The following ZNF385B variants were observed in gnomAD, a reference collection of about 807,000 sequenced individuals.
The protein encoded by ZNF385B is zinc finger protein 533.
In ZNF385B, 23 loss-of-function variants were observed where a neutral mutation model predicts 39.2. The observed-to-expected ratio is 0.59, with a 90% CI of 0.42 to 0.83. ZNF385B has a LOEUF of 0.83. Among genes scored for constraint, ZNF385B ranks in the 40% least tolerant of loss-of-function variants. The pLI is 0.00. For missense variants in ZNF385B, 552 were observed against 598.9 expected (o/e 0.92, Z 0.82); for synonymous variants, 205 against 222.6 (o/e 0.92, Z 0.70).
intron 3 of ZNF385B, among the ~76,000 whole-genome samples, chr2:179,672,212 A>C (rs746432799): frequency 7.2e-5 from 11 of 152,220 alleles, no homozygotes; most frequent in African/African-American, 2.6e-4. Flanking sequence ...TTTATCACTT[A>C]TTTCTTCTTT....
At chr2:179,467,135 G>A (rs746568131) in intron 6 of ZNF385B, among the ~76,000 whole-genome samples, 3 of 151,952 alleles carry the variant, frequency 2.0e-5, no homozygotes, top group Non-Finnish European at 4.4e-5. Flanking sequence ...CATATCCCCA[G>A]GTGCATAATT....
intron 5 of ZNF385B, among the ~76,000 whole-genome samples, chr2:179,501,136 T>G (rs2056721646): frequency 6.6e-6 from 1 of 152,184 alleles, no homozygotes; most frequent in Non-Finnish European, 1.5e-5. Context: ...TGTGCACTAT[T>G]GGTGGGAATG....
At chr2:179,526,354 T>C (rs2058897067) in intron 4 of ZNF385B, among the ~76,000 whole-genome samples, 2 of 152,020 alleles carry the variant, frequency 1.3e-5, no homozygotes, top group African/African-American at 2.4e-5. Context: ...CTTTGGGATG[T>C]TGAGGCAGGC....
chr2:179,787,480 TA>T (rs1242166327), intron 1 of ZNF385B, among the ~76,000 whole-genome samples: 1 of 152,102 alleles, frequency 6.6e-6, no homozygotes, highest in Non-Finnish European at 1.5e-5. Context: ...CTCTTAATAT[TA>T]AAACCAATAC....
chr2:179,544,693 C>T (rs2060119887), intron 4 of ZNF385B, 134 bp downstream of exon 4: 1 of 1,079,438 alleles, frequency 9.3e-7, no homozygotes, highest in Non-Finnish European at 1.4e-6. Context: ...TCTTTCATAG[C>T]ACAACTGAGC....
At position 179,697,958 on chromosome 2, in the gene ZNF385B, G is replaced by A. The variant is rs530923859; in HGVS notation, c.298+71545C>T. ...TTGCAAGGACAGAAAACCAAACACC[G>A]CATGTTCTCACTCATAGGTGGGAAT... On this transcript the variant is annotated intron_variant, in intron 3 of 9. Transcript: ENST00000410066. Among the ~76,000 whole-genome samples the A allele has an allele frequency of 2.0e-4, 31 of 152,178 alleles. No individual in the cohort carries two copies. The East Asian group carries it at 3.9e-3, about 19-fold the overall frequency.
chr2:179,625,430 A>G (rs2106173206), intron 3 of ZNF385B, among the ~76,000 whole-genome samples: 1 of 151,904 alleles, frequency 6.6e-6, no homozygotes, highest in Non-Finnish European at 1.5e-5. Context: ...ATTTTTATAT[A>G]TTATGGTTAT....
At chr2:179,687,645 G>A (rs1417222087) in intron 3 of ZNF385B, among the ~76,000 whole-genome samples, 1 of 152,168 alleles carries the variant, frequency 6.6e-6, no homozygotes, top group African/African-American at 2.4e-5. Context: ...TGGGAACATT[G>A]AGCAGTGATT....
rs11400555 is a variant in ZNF385B, at chr2:179,733,782, C to CAA, written c.298+35719_298+35720dup. 8.1e-3 allele frequency among the ~76,000 whole-genome samples: 838 copies of CAA among 103,076 alleles called. 27 individuals are homozygous for CAA. Among genetic ancestry groups the CAA allele is most frequent in the Middle Eastern group, 0.017 (3 of 180 alleles). 67.6% of individuals were successfully genotyped at this position (103,076 alleles called of 152,430 possible). Reference sequence around the variant, plus strand: ...TGAGTGACAGAGCGAGACTCCGTCTCAAAAAAAAAAAAAAAAAAAAGTACA... The same window carrying CAA: ...TGAGTGACAGAGCGAGACTCCGTCTCAAAAAAAAAAAAAAAAAAAAAAGTACA... On this transcript the variant is annotated intron_variant, in intron 3 of 9. Transcript: ENST00000410066.
At chr2:179,661,428 C>T (rs1410179784) in intron 3 of ZNF385B, among the ~76,000 whole-genome samples, 4 of 152,204 alleles carry the variant, frequency 2.6e-5, no homozygotes, top group Non-Finnish European at 5.9e-5. Flanking sequence ...TGCAGACAGC[C>T]TGTCATAGAC....
chr2:179,515,443 T>C (rs1314864116), intron 5 of ZNF385B, among the ~76,000 whole-genome samples: 3 of 152,214 alleles, frequency 2.0e-5, no homozygotes, highest in African/African-American at 7.2e-5. Flanking sequence ...GTGTTAAAGA[T>C]GCAGCATGTC....
At chr2:179,603,871 A>G (rs1275959804) in intron 3 of ZNF385B, among the ~76,000 whole-genome samples, 1 of 152,214 alleles carries the variant, frequency 6.6e-6, no homozygotes, top group African/African-American at 2.4e-5. Flanking sequence ...ATCAAATAAA[A>G]TTAAATGCCT....
At chr2:179,444,407 C>A in intron 9 of ZNF385B, among the ~76,000 whole-genome samples, 1 of 152,150 alleles carries the variant, frequency 6.6e-6, no homozygotes, top group East Asian at 1.9e-4. Context: ...GGCTAATTAC[C>A]AACATGCCTG....
intron 3 of ZNF385B, among the ~76,000 whole-genome samples, chr2:179,692,722 T>A (rs542563748): frequency 1.3e-5 from 2 of 152,336 alleles, no homozygotes; most frequent in East Asian, 3.9e-4. Flanking sequence ...AGCAACTTTC[T>A]GAGAGACCAT....
intron 3 of ZNF385B, among the ~76,000 whole-genome samples, chr2:179,641,615 T>C (rs537414087): frequency 1.3e-5 from 2 of 152,204 alleles, no homozygotes; most frequent in Non-Finnish European, 2.9e-5. Context: ...TTCACATGCA[T>C]ACAACAAAAT....
At position 179,443,277 on chromosome 2, in the gene ZNF385B, A is replaced by G. The variant is rs1321340114; in HGVS notation, c.1434T>C (p.Pro478=). ...AGTACGGAGCAAAGAGGATGGAGGC[A>G]GGAGTGGCGCGGATGGGCCCATGCC... ...RPGHGPIRAT[P]ASILFAPY is the part of the protein sequence containing the mutation. The change falls in exon 10 of 10, where the codon CCT becomes CCC. Residue 478 remains proline, a synonymous_variant. Transcript: ENST00000410066. The G allele has an allele frequency of 1.9e-6, 3 of 1,612,504 alleles. No homozygotes were observed. The highest frequency in any genetic ancestry group is 2.5e-6 in the Non-Finnish European group (3 of 1,180,018).
intron 3 of ZNF385B, among the ~76,000 whole-genome samples, chr2:179,768,402 T>A (rs1703827482): frequency 6.6e-6 from 1 of 152,214 alleles, no homozygotes; most frequent in African/African-American, 2.4e-5. Context: ...TCACAGCATG[T>A]TAAATATTGA....
At chr2:179,577,155 C>G (rs757196733) in intron 3 of ZNF385B, among the ~76,000 whole-genome samples, 3 of 152,138 alleles carry the variant, frequency 2.0e-5, no homozygotes, top group Non-Finnish European at 4.4e-5. Context: ...AAACCTAAGA[C>G]TTTCCAAGAA....
chr2:179,689,799 G>A (rs1698210806), intron 3 of ZNF385B, among the ~76,000 whole-genome samples: 1 of 120,548 alleles, frequency 8.3e-6, no homozygotes, highest in Non-Finnish European at 1.8e-5. Flanking sequence ...GTGTGTGTGT[G>A]TGTGTGTGTG....
Sources: allele counts gnomAD v4.1 joint callset (sites outside exome capture counted in the v4.1 genomes callset), GRCh38; gene constraint gnomAD v4.1.1; transcripts MANE v1.5; gene names NCBI Gene and HGNC (gene_info 2026-07-23, HGNC 2026-07-21).